The following MYRIP variants were observed in gnomAD, a reference collection of about 807,000 sequenced individuals.
The protein encoded by MYRIP is myosin VIIA and Rab interacting protein.
MYRIP carries 49 observed loss-of-function variants against 98.0 expected under a neutral mutation model. The observed-to-expected ratio is 0.50, with a 90% CI of 0.40 to 0.63. The LOEUF (loss-of-function observed/expected upper bound fraction) is 0.63, where lower values mean the gene tolerates loss of function less well. Ranked by LOEUF, MYRIP falls within the 30% of genes least tolerant of loss-of-function variation. MYRIP has a pLI of 0.00. For missense variants in MYRIP, 1,004 were observed against 1,058.2 expected, an observed-to-expected ratio of 0.95 and a Z score of 0.71; for synonymous variants, 404 against 409.5, an observed-to-expected ratio of 0.99 and a Z score of 0.16.
Position 39,988,860 on chromosome 3 carries a change from A to G in MYRIP, c.111-55190A>G, listed in dbSNP as rs183732522. ...TTCTTGTGCTGTGTTTTTCAGCTCT[A>G]TCAGGTCATTTATGTTCCTGTCTAA... is the stretch of plus-strand genomic sequence containing the variant. On this transcript the variant is annotated intron_variant, in intron 2 of 16. Coordinates refer to ENST00000302541, the MANE Select transcript of MYRIP (RefSeq NM_015460.4). 1.8e-4 allele frequency among the ~76,000 whole-genome samples: 27 copies of G among 151,676 alleles called. No homozygotes were observed. The East Asian group carries it at 5.1e-3, about 29-fold the overall frequency.
At chr3:39,917,838 A>G (rs4676540) in intron 2 of MYRIP, among the ~76,000 whole-genome samples, 66,906 of 151,836 alleles carry the variant, frequency 0.44, 14,972 homozygotes, top group East Asian at 0.54. Flanking sequence ...CCTTATATTA[A>G]AAAGTATTAA....
At chr3:39,874,819 C>G (rs866217624) in intron 1 of MYRIP, among the ~76,000 whole-genome samples, 1 of 152,248 alleles carries the variant, frequency 6.6e-6, no homozygotes, top group South Asian at 2.1e-4. Flanking sequence ...GGTTGTGTCT[C>G]TGCCCGGCTT....
intron 4 of MYRIP, 58 bp downstream of exon 4, chr3:40,151,242 G>C: frequency 4.6e-6 from 7 of 1,525,182 alleles, no homozygotes; most frequent in Non-Finnish European, 6.2e-6. Flanking sequence ...TAGAAGGCCT[G>C]GCTCAGGGGC....
chr3:40,163,825 C>CTA (rs1158138620), intron 5 of MYRIP, among the ~76,000 whole-genome samples: 1 of 152,066 alleles, frequency 6.6e-6, no homozygotes, highest in Non-Finnish European at 1.5e-5. Context: ...TATTTTATAT[C>CTA]TATATATATC....
chr3:39,925,382 T>C (rs1944401714), intron 2 of MYRIP, among the ~76,000 whole-genome samples: 1 of 152,038 alleles, frequency 6.6e-6, no homozygotes, highest in African/African-American at 2.4e-5. Flanking sequence ...AGATTTGTTA[T>C]GGGGGTATAT....
chr3:39,919,911 C>A (rs1944270632), intron 2 of MYRIP, among the ~76,000 whole-genome samples: 1 of 152,006 alleles, frequency 6.6e-6, no homozygotes, highest in African/African-American at 2.4e-5. Flanking sequence ...TTCATTGATG[C>A]TAGTTTGTTT....
chr3:40,089,605 C>G (rs1948702331), intron 3 of MYRIP, among the ~76,000 whole-genome samples: 2 of 152,062 alleles, frequency 1.3e-5, no homozygotes, highest in African/African-American at 2.4e-5. Context: ...AAAATTAACT[C>G]AAGTAATAGC....
intron 2 of MYRIP, among the ~76,000 whole-genome samples, chr3:39,947,641 G>A (rs1199498429): frequency 2.0e-5 from 3 of 152,076 alleles, no homozygotes; most frequent in Admixed American, 6.6e-5. Context: ...GGTGGTGCAC[G>A]CCTATAGTCC....
intron 10 of MYRIP, among the ~76,000 whole-genome samples, chr3:40,196,652 T>C (rs1951402537): frequency 6.6e-6 from 1 of 152,200 alleles, no homozygotes; most frequent in Non-Finnish European, 1.5e-5. Flanking sequence ...GTTTTATGTG[T>C]GTTTAGAAGG....
At chr3:39,912,313 T>C (rs2125681722) in intron 2 of MYRIP, among the ~76,000 whole-genome samples, 2 of 152,330 alleles carry the variant, frequency 1.3e-5, no homozygotes, top group South Asian at 4.1e-4. Flanking sequence ...GCTGTTTGGT[T>C]CTGACCACCT....
chr3:40,043,755 T>C (rs992783990), intron 2 of MYRIP, among the ~76,000 whole-genome samples: 2 of 152,234 alleles, frequency 1.3e-5, no homozygotes, highest in Non-Finnish European at 2.9e-5. Context: ...ATATGCTTAT[T>C]AGTTTTTTAA....
intron 2 of MYRIP, among the ~76,000 whole-genome samples, chr3:40,005,572 T>C (rs1946612674): frequency 6.6e-6 from 1 of 152,240 alleles, no homozygotes; most frequent in Non-Finnish European, 1.5e-5. Flanking sequence ...AAAATAGATT[T>C]CATAGGCAGA....
chr3:39,992,437 G>T (rs1559551697), intron 2 of MYRIP, among the ~76,000 whole-genome samples: 2 of 152,028 alleles, frequency 1.3e-5, no homozygotes, highest in Non-Finnish European at 2.9e-5. Context: ...CTCCCCCAAG[G>T]GCACAGCTAC....
chr3:39,874,295 A>G (rs1188685841), intron 1 of MYRIP, among the ~76,000 whole-genome samples: 2 of 151,974 alleles, frequency 1.3e-5, no homozygotes, highest in Non-Finnish European at 2.9e-5. Context: ...AACAGGGACA[A>G]TTTGACTTCC....
chr3:39,858,423 A>C (rs1942369044), intron 1 of MYRIP, among the ~76,000 whole-genome samples: 3 of 152,182 alleles, frequency 2.0e-5, no homozygotes, highest in Admixed American at 2.0e-4. Flanking sequence ...GGAAAAATAA[A>C]TAGCAATGCA....
chr3:39,831,153 A>T (rs1941433190), intron 1 of MYRIP, among the ~76,000 whole-genome samples: 1 of 151,052 alleles, frequency 6.6e-6, no homozygotes, highest in African/African-American at 2.4e-5. Flanking sequence ...ATTCTGCTTG[A>T]CCTCTTAGTG....
chr3:40,233,568 C>T (rs1175769950), intron 11 of MYRIP, among the ~76,000 whole-genome samples: 7 of 152,150 alleles, frequency 4.6e-5, no homozygotes, highest in Non-Finnish European at 8.8e-5. Context: ...AAACTACCAG[C>T]AGTGAGCAGA....
At chr3:39,871,776 G>C (rs1186060150) in intron 1 of MYRIP, among the ~76,000 whole-genome samples, 3 of 151,986 alleles carry the variant, frequency 2.0e-5, no homozygotes, top group African/African-American at 7.3e-5. Flanking sequence ...GTGATGATGT[G>C]TAGAAATTAT....
At chr3:39,936,941 A>C (rs1452986812) in intron 2 of MYRIP, among the ~76,000 whole-genome samples, 3 of 152,172 alleles carry the variant, frequency 2.0e-5, no homozygotes, top group Non-Finnish European at 2.9e-5. Flanking sequence ...TCTTCACATT[A>C]GTTGTTATCC....
Sources: gnomAD v4.1 joint callset for allele counts (sites outside exome capture counted in the v4.1 genomes callset) on GRCh38, gnomAD v4.1.1 for gene constraint, MANE v1.5 for transcripts, NCBI Gene and HGNC (gene_info 2026-07-23, HGNC 2026-07-21) for gene names.